SNX9: variants seen among roughly 807,000 people sequenced by gnomAD.
SNX9 encodes the protein sorting nexin-9.
Under a neutral mutation model 89.4 loss-of-function variants are expected in SNX9, and 44 were observed. The ratio of observed to expected loss-of-function variants is 0.49; its 90% CI spans 0.39 to 0.63. The LOEUF is 0.63. SNX9 is among the 30% of genes least tolerant of loss of function. SNX9 has a pLI of 0.00. For missense variants in SNX9, 578 were observed against 736.1 expected, an observed-to-expected ratio of 0.79 and a Z score of 2.49; for synonymous variants, 236 against 247.8, an observed-to-expected ratio of 0.95 and a Z score of 0.45.
intron 4 of SNX9, among the ~76,000 whole-genome samples, chr6:157,890,251 G>A (rs557430419): frequency 1.3e-5 from 2 of 152,276 alleles, no homozygotes; most frequent in East Asian, 3.9e-4. Context: ...ATGGGTGTGC[G>A]TGTCCGTCTC....
intron 5 of SNX9, among the ~76,000 whole-genome samples, chr6:157,901,461 G>A (rs1323744267): frequency 1.3e-5 from 2 of 152,300 alleles, no homozygotes; most frequent in East Asian, 3.9e-4. Flanking sequence ...TCTAGGAGTT[G>A]TGTGGTTTCA....
chr6:157,837,268 C>T (rs1018879607), intron 1 of SNX9, among the ~76,000 whole-genome samples: 1 of 152,198 alleles, frequency 6.6e-6, no homozygotes, highest in African/African-American at 2.4e-5. Flanking sequence ...TACAATCTCA[C>T]ATTACCATGG....
intron 1 of SNX9, among the ~76,000 whole-genome samples, chr6:157,838,435 T>C (rs1032135478): frequency 6.6e-6 from 1 of 152,194 alleles, no homozygotes; most frequent in African/African-American, 2.4e-5. Flanking sequence ...CACTTAGATA[T>C]CTTCCATTAG....
At chr6:157,859,704 C>T (rs933731156) in intron 1 of SNX9, among the ~76,000 whole-genome samples, 4 of 152,116 alleles carry the variant, frequency 2.6e-5, no homozygotes, top group Non-Finnish European at 4.4e-5. Context: ...TGAGATTGAG[C>T]GTTTTGTCAT....
At chr6:157,887,458 T>G (rs769734354) in intron 4 of SNX9, among the ~76,000 whole-genome samples, 1 of 152,132 alleles carries the variant, frequency 6.6e-6, no homozygotes, top group Non-Finnish European at 1.5e-5. Flanking sequence ...CAGAGCTCTC[T>G]CTCTGCGTCT....
intron 4 of SNX9, among the ~76,000 whole-genome samples, chr6:157,878,431 A>ATTT (rs1341249074): frequency 7.6e-6 from 1 of 131,296 alleles, no homozygotes; most frequent in African/African-American, 2.8e-5. Context: ...GAAGCCCACC[A>ATTT]TTTTTTTTTT....
intron 10 of SNX9, among the ~76,000 whole-genome samples, chr6:157,923,842 T>C (rs1783632981): frequency 2.0e-5 from 3 of 152,242 alleles, no homozygotes; most frequent in Admixed American, 6.5e-5. Context: ...TAATTGGTGC[T>C]GGGTCAGTTG....
chr6:157,935,783 G>T (rs1158572351), intron 13 of SNX9, among the ~76,000 whole-genome samples, 181 bp from the exon 14 acceptor site: 2 of 152,184 alleles, frequency 1.3e-5, no homozygotes, highest in South Asian at 4.1e-4. Context: ...ACAGGCTGGC[G>T]AGAGCTGCCA....
intron 9 of SNX9, among the ~76,000 whole-genome samples, chr6:157,914,032 C>T (rs1783407174): frequency 6.6e-6 from 1 of 152,062 alleles, no homozygotes; most frequent in Non-Finnish European, 1.5e-5. Flanking sequence ...GGTCATTTGG[C>T]AAGTATATAT....
intron 14 of SNX9, 140 bp downstream of exon 14, chr6:157,936,180 T>G (rs111515039): frequency 1.6e-6 from 1 of 623,668 alleles, no homozygotes; most frequent in Non-Finnish European, 2.7e-6. Context: ...TTAATTGTGT[T>G]TAATCATGGT....
At chr6:157,832,192 A>AG (rs1188662197) in intron 1 of SNX9, among the ~76,000 whole-genome samples, 1 of 152,244 alleles carries the variant, frequency 6.6e-6, no homozygotes, top group African/African-American at 2.4e-5. Context: ...TATTACCCAC[A>AG]GGGACAGTAC....
chr6:157,934,255 C>T (rs2115212752), intron 13 of SNX9: 1 of 152,162 alleles, frequency 6.6e-6, no homozygotes, highest in Non-Finnish European at 1.5e-5. Context: ...ATTGCATATT[C>T]TTATGGATGA....
chr6:157,937,317 C>T, intron 14 of SNX9, 117 bp from the exon 15 acceptor site: 1 of 639,502 alleles, frequency 1.6e-6, no homozygotes, highest in Non-Finnish European at 2.7e-6. Context: ...GAATGCTTAA[C>T]ACTCAATAAT....
At chr6:157,886,995 T>A (rs1015067765) in intron 4 of SNX9, among the ~76,000 whole-genome samples, 5 of 152,214 alleles carry the variant, frequency 3.3e-5, no homozygotes, top group African/African-American at 1.2e-4. Flanking sequence ...GTCAGTACTG[T>A]ATCAGCTTAA....
intron 1 of SNX9, among the ~76,000 whole-genome samples, chr6:157,829,976 C>T (rs1781451396): frequency 6.6e-6 from 1 of 152,106 alleles, no homozygotes; most frequent in Admixed American, 6.5e-5. Context: ...AGGATGTTAA[C>T]ATTAAAGTCT....
chr6:157,866,514 C>T (rs1362729377), intron 1 of SNX9, among the ~76,000 whole-genome samples: 2 of 152,138 alleles, frequency 1.3e-5, no homozygotes, highest in African/African-American at 4.8e-5. Flanking sequence ...GTCGAGGCTG[C>T]ATTGACCCAT....
chr6:157,929,021 C>T (rs1038052674), intron 12 of SNX9, among the ~76,000 whole-genome samples: 4 of 152,116 alleles, frequency 2.6e-5, no homozygotes, highest in African/African-American at 9.7e-5. Context: ...TTCTTAGTCT[C>T]ATGATTTTAT....
chr6:157,910,176 A>G, intron 9 of SNX9, 151 bp downstream of exon 9: 1 of 655,456 alleles, frequency 1.5e-6, no homozygotes, highest in Non-Finnish European at 2.7e-6. Flanking sequence ...TGAAGAGAGA[A>G]CCATTGCATG....
At chr6:157,839,955 C>A (rs1403652017) in intron 1 of SNX9, among the ~76,000 whole-genome samples, 1 of 152,144 alleles carries the variant, frequency 6.6e-6, no homozygotes, top group Non-Finnish European at 1.5e-5. Context: ...CTCCTATCCT[C>A]TCCGGTTGTT....
Sources: gnomAD v4.1 joint callset for allele counts (sites outside exome capture counted in the v4.1 genomes callset) on GRCh38, gnomAD v4.1.1 for gene constraint, MANE v1.5 for transcripts, NCBI Gene and HGNC (gene_info 2026-07-23, HGNC 2026-07-21) for gene names.